The following AKT3 variants were observed in gnomAD, a reference collection of about 807,000 sequenced individuals.
AKT3 encodes RAC-gamma serine/threonine-protein kinase.
In AKT3, 15 loss-of-function variants were observed where a neutral mutation model predicts 65.3. That is an observed-to-expected ratio of 0.23 (90% CI 0.15 to 0.35). The LOEUF is 0.35. Ranked by LOEUF, AKT3 falls within the 10% of genes least tolerant of loss-of-function variation. The probability of loss-of-function intolerance (pLI) is 1.00; values close to 1 mark genes in which losing one functional copy is unlikely to be tolerated. For missense variants in AKT3, 243 were observed against 576.5 expected (o/e 0.42, Z 5.92); for synonymous variants, 206 against 183.8 (o/e 1.12, Z -0.98).
At chr1:243,554,722 C>T (rs531306571) in intron 10 of AKT3, among the ~76,000 whole-genome samples, 9 of 152,172 alleles carry the variant, frequency 5.9e-5, no homozygotes, top group African/African-American at 2.2e-4. Context: ...TAACTACATT[C>T]CTACAACACC....
At chr1:243,630,377 T>C (rs1310931908) in intron 6 of AKT3, among the ~76,000 whole-genome samples, 1 of 152,176 alleles carries the variant, frequency 6.6e-6, no homozygotes, top group Admixed American at 6.5e-5. Context: ...TCTAAATCTG[T>C]GGACCTCTCA....
chr1:243,626,318 G>A lies in AKT3; in HGVS notation c.562-11157C>T, dbSNP rs146779731. On this transcript the variant is annotated intron_variant, in intron 6 of 13. Coordinates refer to ENST00000673466, the MANE Select transcript of AKT3 (RefSeq NM_005465.7). ...AAGTTTTAAACGGTTACTAAGAGAT[G>A]GGATGAATAAAATGGACACTGATGT... is the stretch of plus-strand genomic sequence containing the variant. 1.2e-3 allele frequency among the ~76,000 whole-genome samples: 177 copies of A among 152,244 alleles called. 3 individuals carry two copies. In the East Asian group the frequency reaches 0.032, roughly 28 times the overall value.
intron 2 of AKT3, among the ~76,000 whole-genome samples, chr1:243,708,041 A>C (rs545557437): frequency 1.1e-4 from 17 of 152,188 alleles, no homozygotes; most frequent in African/African-American, 3.4e-4. Context: ...TGAATACTAG[A>C]ATATCTGCTA....
intron 13 of AKT3, among the ~76,000 whole-genome samples, chr1:243,506,846 C>T (rs1669701148): frequency 6.6e-6 from 1 of 152,086 alleles, no homozygotes. Flanking sequence ...TTATTGGTTC[C>T]AATATTTGTA....
intron 4 of AKT3, among the ~76,000 whole-genome samples, chr1:243,646,418 G>A (rs1432114147): frequency 6.6e-6 from 1 of 151,350 alleles, no homozygotes; most frequent in Non-Finnish European, 1.5e-5. Context: ...TCAATAGCAT[G>A]ATCTCAGCTC....
intron 2 of AKT3, among the ~76,000 whole-genome samples, chr1:243,733,705 A>G (rs1459430506): frequency 2.0e-5 from 3 of 152,226 alleles, no homozygotes; most frequent in East Asian, 1.9e-4. Context: ...AGCTCATATA[A>G]AAGTTATATT....
At chr1:243,668,837 G>T (rs1260352573) in intron 3 of AKT3, among the ~76,000 whole-genome samples, 2 of 152,134 alleles carry the variant, frequency 1.3e-5, no homozygotes, top group African/African-American at 2.4e-5. Context: ...CTTAAAATGG[G>T]TATGGAGGAA....
chr1:243,802,218 C>G (rs1338090424), intron 2 of AKT3, among the ~76,000 whole-genome samples: 1 of 152,108 alleles, frequency 6.6e-6, no homozygotes, highest in East Asian at 1.9e-4. Flanking sequence ...CAGGTATACT[C>G]CAACACAATA....
chr1:243,693,241 T>TATATATA lies in AKT3; in HGVS notation c.172+2349_172+2350insTATATAT, dbSNP rs1421255607. 6.8e-4 allele frequency among the ~76,000 whole-genome samples: 26 copies of TATATATA among 38,254 alleles called. 1 individual carries two copies. The highest frequency in any genetic ancestry group is 1.0e-3 in the Non-Finnish European group (20 of 19,222). 25.1% of individuals were successfully genotyped at this position (38,254 alleles called of 152,430 possible). On this transcript the variant is annotated intron_variant, in intron 3 of 13. Transcript: ENST00000673466. ...TATATATCCCTTTGGTAGCTACAAT[T>TATATATA]TGATATATATATATATATATATATA...
intron 11 of AKT3, among the ~76,000 whole-genome samples, chr1:243,551,628 A>G (rs1673072864): frequency 6.6e-6 from 1 of 151,790 alleles, no homozygotes; most frequent in African/African-American, 2.4e-5. Context: ...ATAAAACTCT[A>G]TGTGAGGTAT....
chr1:243,817,408 G>C (rs1693596143), intron 2 of AKT3, among the ~76,000 whole-genome samples: 1 of 152,182 alleles, frequency 6.6e-6, no homozygotes, highest in Admixed American at 6.5e-5. Context: ...TGTAGTATAA[G>C]ATACTTGTAT....
At chr1:243,493,633 A>T (rs1667108475) in intron 13 of AKT3, among the ~76,000 whole-genome samples, 1 of 152,086 alleles carries the variant, frequency 6.6e-6, no homozygotes, top group African/African-American at 2.4e-5. Flanking sequence ...TTTAGAAAAC[A>T]GAGTCGGAAA....
At chr1:243,684,351 C>T (rs1237091961) in intron 3 of AKT3, among the ~76,000 whole-genome samples, 2 of 151,986 alleles carry the variant, frequency 1.3e-5, no homozygotes, top group Non-Finnish European at 2.9e-5. Context: ...TGTTCCCCTC[C>T]CTGTGTCCCT....
At chr1:243,589,317 A>G (rs12045932) in intron 8 of AKT3, among the ~76,000 whole-genome samples, 18,254 of 147,794 alleles carry the variant, frequency 0.12, 1,286 homozygotes, top group East Asian at 0.22. Flanking sequence ...AAAAAAAAAA[A>G]AAAAAAAGAA....
Position 243,643,627 on chromosome 1 carries a change from G to C in AKT3, c.429+2266C>G, listed in dbSNP as rs1680600790. Among the ~76,000 whole-genome samples, 3 of 152,170 alleles carry C rather than the reference G, an allele frequency of 2.0e-5. No individual in the cohort carries two copies. The South Asian group carries it at 6.2e-4, about 32-fold the overall frequency. On this transcript the variant is annotated intron_variant, in intron 5 of 13. Transcript: ENST00000673466. ...CCCAACATCCTTCCTTTCCAATTGA[G>C]TTTTTAACTGGCAGAGCAGACACTG...
At chr1:243,754,883 G>A (rs577125135) in intron 2 of AKT3, among the ~76,000 whole-genome samples, 12 of 152,180 alleles carry the variant, frequency 7.9e-5, no homozygotes, top group Admixed American at 1.3e-4. Context: ...ATCTTATAGC[G>A]CACAGGACAG....
At chr1:243,652,464 G>C (rs1189838888) in intron 4 of AKT3, among the ~76,000 whole-genome samples, 5 of 151,956 alleles carry the variant, frequency 3.3e-5, no homozygotes, top group Non-Finnish European at 5.9e-5. Flanking sequence ...AACACGCAAA[G>C]GAACAACTGA....
At chr1:243,809,064 C>G (rs906881484) in intron 2 of AKT3, among the ~76,000 whole-genome samples, 3 of 152,142 alleles carry the variant, frequency 2.0e-5, no homozygotes, top group Non-Finnish European at 2.9e-5. Context: ...CCAGTACCAG[C>G]CACTGCAAAA....
chr1:243,704,779 A>T (rs1382044805), intron 2 of AKT3, among the ~76,000 whole-genome samples: 3 of 152,074 alleles, frequency 2.0e-5, no homozygotes, highest in African/African-American at 7.2e-5. Flanking sequence ...TAAATAACAC[A>T]TCTTTACGTT....
Sources: allele counts gnomAD v4.1 joint callset (sites outside exome capture counted in the v4.1 genomes callset), GRCh38; gene constraint gnomAD v4.1.1; transcripts MANE v1.5; gene names NCBI Gene and HGNC (gene_info 2026-07-23, HGNC 2026-07-21).